The following TEX14 variants were observed in gnomAD, a reference collection of about 807,000 sequenced individuals.
TEX14 encodes the protein testis expressed 14, intercellular bridge forming factor.
In TEX14, 168 loss-of-function variants were observed where a neutral mutation model predicts 178.6. The observed-to-expected ratio is 0.94, with a 90% confidence interval of 0.83 to 1.07. The LOEUF is 1.07. Ranked by LOEUF, TEX14 falls within the 50% of genes least tolerant of loss-of-function variation. The pLI, the probability that TEX14 is intolerant of heterozygous loss-of-function variation, is 0.00. For synonymous variants in TEX14, 626 were observed against 634.1 expected (o/e 0.99, Z 0.19); for missense variants, 1,730 against 1,753.6 (o/e 0.99, Z 0.24).
chr17:58,661,442 T>C (rs377226469), intron 1 of TEX14: 180 of 799,282 alleles, frequency 2.3e-4, no homozygotes, highest in Non-Finnish European at 3.7e-4. Flanking sequence ...TTTGGCAACC[T>C]TGTCAAGGAG....
rs752772371 is a variant in TEX14, at chr17:58,559,452, C to T, written c.4267+1G>A. On this transcript the variant is annotated splice_donor_variant, in intron 30 of 31. Transcript: ENST00000349033. LOFTEE classifies it high-confidence loss of function. The stretch of plus-strand genomic sequence containing the variant: ...CATTATAAACATACATTAATTCATA[C>T]CTTCTTCAGAAGTCCCTAGAACACC... The T allele has an allele frequency of 2.8e-5, 36 of 1,281,996 alleles. No homozygotes were observed. The South Asian group carries it at 3.8e-4, about 13-fold the overall frequency. 79.4% of individuals were successfully genotyped at this position (1,281,996 alleles called of 1,614,324 possible). A position where few individuals can be genotyped will look rare whatever the true frequency, so the allele number is the denominator to read the frequency against.
chr17:58,630,500 G>T lies in TEX14; in HGVS notation c.191C>A (p.Ala64Glu). 1 of 1,613,870 alleles carries T rather than the reference G, an allele frequency of 6.2e-7. No homozygotes were observed. The highest frequency in any genetic ancestry group is 8.5e-7 in the Non-Finnish European group (1 of 1,179,924). The part of the protein sequence containing the change: ...SLGQTALFVA[A>E]LLGLRKFVDV... Reference sequence around the variant, plus strand: ...AACGAATTTCCTAAGGCCCAATAACGCCGCAACAAAAAGTGCTGTTTGGCC... The same window carrying T: ...AACGAATTTCCTAAGGCCCAATAACTCCGCAACAAAAAGTGCTGTTTGGCC... The change falls in exon 3 of 32, where the codon GCG (alanine) becomes GAG (glutamate). Residue 64 changes from alanine to glutamate, a missense_variant. Physicochemically the swap from Ala to Glu is moderately radical, Grantham distance 107. This residue lies in a region of TEX14 where 789 missense variants were observed against 681.2 expected (regional missense o/e 1.16). Coordinates refer to ENST00000349033, the MANE Select transcript of TEX14 (RefSeq NM_031272.5).
rs1325693559 is a variant in TEX14 at position 58,569,369 on chromosome 17, GA to G, written c.3818-110del. Reference sequence around the variant, plus strand: ...TTGACTGAGGATTTCTCTCAATGATGAAACAAACTAAGGAGGAAGGAAGCCT... The same window carrying G: ...TTGACTGAGGATTTCTCTCAATGATGAACAAACTAAGGAGGAAGGAAGCCT... On this transcript the variant is annotated intron_variant, in intron 25 of 31. Transcript: ENST00000349033. This position sits in a 1 kb window ranked among gnomAD's most constrained non-coding sequence, Gnocchi z 4.1. 1.3e-6 allele frequency: 1 copy of G among 786,928 alleles called. No individual in the cohort carries two copies. Among genetic ancestry groups the G allele is most frequent in the Non-Finnish European group, 2.1e-6 (1 of 470,892 alleles). 48.7% of individuals were successfully genotyped at this position (786,928 alleles called of 1,614,324 possible). A position where few individuals can be genotyped will look rare whatever the true frequency, so the allele number is the denominator to read the frequency against.
intron 19 of TEX14, 62 bp downstream of exon 19, chr17:58,584,438 A>G: frequency 8.1e-7 from 1 of 1,229,298 alleles, no homozygotes; most frequent in African/African-American, 1.5e-5. Flanking sequence ...ACATAACAAT[A>G]ACTCAGTTCT....
In TEX14 at chr17:58,568,291, ACTGGCTCCACCCAAGTTCATCAGGC is replaced by A. The variant is rs200244177; in HGVS notation, c.3886+876_3886+900del. On this transcript the variant is annotated intron_variant, in intron 26 of 31. Transcript: ENST00000349033. ...AACCAAGGAAGGTCTGACAGCACTG[ACTGGCTCCACCCAAGTTCATCAGGC>A]CAAGGGACAGGAGCTAAGGGTTATG... is the stretch of plus-strand genomic sequence containing the variant. Among the ~76,000 whole-genome samples the A allele has an allele frequency of 1.9e-3, 285 of 152,320 alleles. 6 individuals carry two copies. The East Asian group carries it at 0.044, about 24-fold the overall frequency.
At chr17:58,615,415 T>G in intron 7 of TEX14, 70 bp from the exon 8 acceptor site, 1 of 958,874 alleles carries the variant, frequency 1.0e-6, no homozygotes, top group Non-Finnish European at 1.7e-6. Context: ...GAATAAGCTT[T>G]CCTAAGCAAG....
At chr17:58,659,933 G>T (rs1313308015) in intron 1 of TEX14, among the ~76,000 whole-genome samples, 3 of 150,774 alleles carry the variant, frequency 2.0e-5, no homozygotes, top group Non-Finnish European at 4.4e-5. Context: ...CTGACCTCAG[G>T]TGATCCGCCC....
At position 58,565,828 on chromosome 17, in the gene TEX14, T is replaced by A. The variant is rs780324768; in HGVS notation, c.3887-4A>T. 6.2e-7 allele frequency: 1 copy of A among 1,602,348 alleles called. No homozygotes were observed. Among genetic ancestry groups the A allele is most frequent in the Non-Finnish European group, 8.5e-7 (1 of 1,174,416 alleles). On this transcript the variant is annotated splice_region_variant and splice_polypyrimidine_tract_variant and intron_variant, in intron 26 of 31. Coordinates refer to ENST00000349033, the MANE Select transcript of TEX14 (RefSeq NM_031272.5). ...CCCTGCTGCTGTTTCAAGAGCTCTG[T>A]CACAACACAAAAGCCAAAGGAAACT...
chr17:58,598,271 G>A (rs1022324325), intron 14 of TEX14, among the ~76,000 whole-genome samples: 4 of 147,886 alleles, frequency 2.7e-5, no homozygotes, highest in African/African-American at 7.5e-5. Context: ...CCAAGATCAC[G>A]CCACTGCACT....
At chr17:58,631,730 C>G (rs149474853) in intron 2 of TEX14, 3 of 145,670 alleles carry the variant, frequency 2.1e-5, no homozygotes, top group Admixed American at 6.9e-5. Context: ...CTATCCCACT[C>G]GTGAGAGAAC....
intron 28 of TEX14, among the ~76,000 whole-genome samples, chr17:58,562,033 C>T (rs988588014): frequency 6.6e-5 from 10 of 151,958 alleles, no homozygotes; most frequent in East Asian, 5.8e-4. Flanking sequence ...TGCAGTGAGC[C>T]GAGATCACGC....
At chr17:58,594,603 T>C (rs1449144730) in intron 14 of TEX14, among the ~76,000 whole-genome samples, 2 of 152,098 alleles carry the variant, frequency 1.3e-5, no homozygotes, top group South Asian at 2.1e-4. Flanking sequence ...TCCACCCTCC[T>C]TGACCTCCCA....
chr17:58,641,352 A>G (rs55939921), intron 2 of TEX14, among the ~76,000 whole-genome samples: 1 of 151,912 alleles, frequency 6.6e-6, no homozygotes, highest in African/African-American at 2.4e-5. Context: ...GGAGGTTGCG[A>G]TGAGCCAAGA....
At chr17:58,624,006 G>A (rs565061599) in intron 3 of TEX14, among the ~76,000 whole-genome samples, 5 of 152,280 alleles carry the variant, frequency 3.3e-5, no homozygotes, top group African/African-American at 4.8e-5. Context: ...TAAACAGGCC[G>A]GGTGTGGTGG....
At chr17:58,572,245 A>T in intron 23 of TEX14, 119 bp from the exon 24 acceptor site, 1 of 640,306 alleles carries the variant, frequency 1.6e-6, no homozygotes, top group Non-Finnish European at 2.7e-6. Flanking sequence ...TGAATCTTTT[A>T]CATTATTAAA....
intron 2 of TEX14, chr17:58,631,188 G>GC (rs2046277771): frequency 2.0e-6 from 2 of 979,630 alleles, no homozygotes; most frequent in East Asian, 2.3e-4. Flanking sequence ...GCCTGGAGGC[G>GC]CAGTGGCTCA....
Position 58,669,883 on chromosome 17 carries a change from C to A in TEX14, c.-1-17881G>T, listed in dbSNP as rs114744989. 2.7e-3 allele frequency among the ~76,000 whole-genome samples: 409 copies of A among 152,258 alleles called. 1 individual carries two copies. The highest frequency in any genetic ancestry group is 9.5e-3 in the African/African-American group (393 of 41,556). On this transcript the variant is annotated intron_variant, in intron 1 of 31. Transcript: ENST00000349033. Reference sequence around the variant, plus strand: ...CTAATGTTACTCCCTTGCCCAAAGCCCTTCAATACTCCTTACTGCCCTCTG... The same window carrying A: ...CTAATGTTACTCCCTTGCCCAAAGCACTTCAATACTCCTTACTGCCCTCTG...
chr17:58,579,195 T>C (rs1333620297), intron 20 of TEX14, among the ~76,000 whole-genome samples: 1 of 152,234 alleles, frequency 6.6e-6, no homozygotes, highest in East Asian at 1.9e-4. Flanking sequence ...TACTAACTCT[T>C]TGCTAAGATG....
intron 20 of TEX14, among the ~76,000 whole-genome samples, chr17:58,578,961 T>C (rs966041576): frequency 6.6e-6 from 1 of 152,204 alleles, no homozygotes; most frequent in African/African-American, 2.4e-5. Context: ...GGTAGGTGGA[T>C]AACTCTACTT....
Sources: gnomAD v4.1 joint callset for allele counts (sites outside exome capture counted in the v4.1 genomes callset) on GRCh38, gnomAD v4.1.1 for gene constraint, gnomAD v4.1.1 regional missense constraint, Gnocchi (gnomAD v3.1) non-coding constraint, MANE v1.5 for transcripts, NCBI Gene and HGNC (gene_info 2026-07-23, HGNC 2026-07-21) for gene names.